The following RBFOX1 variants were observed in gnomAD, a reference collection of about 807,000 sequenced individuals.
The protein encoded by RBFOX1 is RNA binding fox-1 homolog 1, also known as RNA binding protein fox-1 homolog 1.
A neutral mutation model predicts 57.7 loss-of-function variants in RBFOX1; 8 were observed. That is an observed-to-expected ratio of 0.14 (90% confidence interval 0.08 to 0.25). The LOEUF is 0.25. Ranked by LOEUF, RBFOX1 falls within the 10% of genes least tolerant of loss-of-function variation. The probability of loss-of-function intolerance (pLI) is 1.00; values close to 1 mark genes in which losing one functional copy is unlikely to be tolerated. For synonymous variants in RBFOX1, 326 were observed against 222.4 expected, an observed-to-expected ratio of 1.47 and a Z score of -4.15; for missense variants, 611 against 548.5, an observed-to-expected ratio of 1.11 and a Z score of -1.14.
chr16:6,664,436 A>C (rs553542663), intron 3 of RBFOX1, among the ~76,000 whole-genome samples: 3 of 152,168 alleles, frequency 2.0e-5, no homozygotes, highest in Non-Finnish European at 4.4e-5. Context: ...AGCGTCAGCA[A>C]ATCATCTTGT....
chr16:6,328,634 C>A (rs1408112650), intron 2 of RBFOX1, among the ~76,000 whole-genome samples: 1 of 152,128 alleles, frequency 6.6e-6, no homozygotes, highest in East Asian at 1.9e-4. Context: ...ACTATGTATG[C>A]AAAGTAGGAA....
intron 2 of RBFOX1, among the ~76,000 whole-genome samples, chr16:6,644,091 A>T (rs557788519): frequency 6.6e-6 from 1 of 152,150 alleles, no homozygotes; most frequent in Non-Finnish European, 1.5e-5. Context: ...ACCCTACTGC[A>T]CTCCAACCTG....
At chr16:6,234,014 C>T (rs181757519) in intron 1 of RBFOX1, among the ~76,000 whole-genome samples, 18 of 152,120 alleles carry the variant, frequency 1.2e-4, no homozygotes, top group Non-Finnish European at 2.4e-4. Context: ...GAGCTGCATC[C>T]TCTGGAGGGG....
At chr16:5,461,758 A>G (rs929034203) in intron 1 of RBFOX1, among the ~76,000 whole-genome samples, 1 of 152,086 alleles carries the variant, frequency 6.6e-6, no homozygotes, top group African/African-American at 2.4e-5. Context: ...GGGTGGATGG[A>G]TGGCCCTGTG....
intron 4 of RBFOX1, among the ~76,000 whole-genome samples, chr16:7,353,358 C>G (rs1263598977): frequency 6.6e-6 from 1 of 152,110 alleles, no homozygotes; most frequent in Non-Finnish European, 1.5e-5. Flanking sequence ...ACATACATTG[C>G]TGGCAGGAAT....
intron 3 of RBFOX1, among the ~76,000 whole-genome samples, chr16:6,982,327 C>A (rs956419281): frequency 6.6e-6 from 1 of 152,138 alleles, no homozygotes; most frequent in East Asian, 1.9e-4. Flanking sequence ...AAACCCATTC[C>A]CATTGTTGGC....
At chr16:6,956,353 T>G (rs1490329121) in intron 3 of RBFOX1, among the ~76,000 whole-genome samples, 1 of 152,192 alleles carries the variant, frequency 6.6e-6, no homozygotes, top group Non-Finnish European at 1.5e-5. Flanking sequence ...AGTATTTTGC[T>G]GCTGGAGTTC....
intron 3 of RBFOX1, among the ~76,000 whole-genome samples, chr16:6,821,492 C>T (rs1567405820): frequency 6.6e-6 from 1 of 152,268 alleles, no homozygotes; most frequent in Non-Finnish European, 1.5e-5. Flanking sequence ...TTATCTAGTT[C>T]CAAAACATTT....
At chr16:6,395,269 G>T (rs1053270092) in intron 2 of RBFOX1, among the ~76,000 whole-genome samples, 2 of 152,180 alleles carry the variant, frequency 1.3e-5, no homozygotes, top group Non-Finnish European at 2.9e-5. Flanking sequence ...TGTCATAGAC[G>T]TGGTGGAAAA....
At chr16:7,610,027 A>C (rs1363217495) in intron 10 of RBFOX1, among the ~76,000 whole-genome samples, 1 of 149,320 alleles carries the variant, frequency 6.7e-6, no homozygotes, top group Non-Finnish European at 1.5e-5. Flanking sequence ...CCTGTTAGCC[A>C]GGATGGTCTC....
intron 3 of RBFOX1, among the ~76,000 whole-genome samples, chr16:5,686,659 A>T (rs1411005461): frequency 1.3e-5 from 2 of 152,018 alleles, no homozygotes; most frequent in African/African-American, 2.4e-5. Flanking sequence ...TATTGATTTG[A>T]CCCTCAGTAC....
intron 2 of RBFOX1, among the ~76,000 whole-genome samples, chr16:6,491,312 C>T (rs937361603): frequency 1.3e-5 from 2 of 151,984 alleles, no homozygotes; most frequent in African/African-American, 4.8e-5. Context: ...ATATGGAATA[C>T]TTCCGCATCT....
chr16:5,800,618 C>G (rs1163872438), intron 3 of RBFOX1, among the ~76,000 whole-genome samples: 2 of 152,072 alleles, frequency 1.3e-5, no homozygotes, highest in Non-Finnish European at 2.9e-5. Context: ...CCCAGTGACT[C>G]AGGGACACTT....
chr16:6,526,253 A>G (rs1457158877), intron 2 of RBFOX1, among the ~76,000 whole-genome samples: 1 of 152,220 alleles, frequency 6.6e-6, no homozygotes, highest in Non-Finnish European at 1.5e-5. Context: ...CCATTGAGTA[A>G]TAGAGTATTG....
intron 2 of RBFOX1, among the ~76,000 whole-genome samples, chr16:6,565,864 C>G (rs1387960973): frequency 6.6e-6 from 1 of 152,220 alleles, no homozygotes; most frequent in Non-Finnish European, 1.5e-5. Context: ...GTAAGACAGG[C>G]TATGCTGTAG....
chr16:6,773,821 TG>T (rs2078872478), intron 3 of RBFOX1: 1 of 296,264 alleles, frequency 3.4e-6, no homozygotes, highest in African/African-American at 2.3e-5. Flanking sequence ...GCATTTGTGT[TG>T]TGGGGGCATG....
chr16:5,879,529 C>T lies in RBFOX1; in HGVS notation c.351+12194C>T, dbSNP rs143014550. On this transcript the variant is annotated intron_variant, in intron 4 of 19. Coordinates refer to the RBFOX1 transcript ENST00000641259. Reference sequence around the variant, plus strand: ...ATTTTTCGTGGAGACAGGGTTTCACCATGTTGGCCTGGCTGGTCTCAAACT... The same window carrying T: ...ATTTTTCGTGGAGACAGGGTTTCACTATGTTGGCCTGGCTGGTCTCAAACT... Among the ~76,000 whole-genome samples the T allele has an allele frequency of 3.9e-3, 594 of 152,246 alleles. 5 individuals are homozygous for T. The highest frequency in any genetic ancestry group is 0.014 in the African/African-American group (576 of 41,554).
intron 2 of RBFOX1, among the ~76,000 whole-genome samples, chr16:6,448,404 G>T (rs1007780304): frequency 6.6e-6 from 1 of 151,896 alleles, no homozygotes; most frequent in Admixed American, 6.6e-5. Flanking sequence ...TGATCTGCCC[G>T]CCTTGGCCTC....
At chr16:7,676,289 TA>T in intron 13 of RBFOX1, among the ~76,000 whole-genome samples, 1 of 152,336 alleles carries the variant, frequency 6.6e-6, no homozygotes, top group East Asian at 1.9e-4. Flanking sequence ...AAGAGATTAC[TA>T]ATAAACTTTC....
Sources: allele counts gnomAD v4.1 joint callset (sites outside exome capture counted in the v4.1 genomes callset), GRCh38; gene constraint gnomAD v4.1.1; transcripts MANE v1.5; gene names NCBI Gene and HGNC (gene_info 2026-07-23, HGNC 2026-07-21).